CDYL2: variants seen among roughly 807,000 people sequenced by gnomAD.
The protein encoded by CDYL2 is chromodomain Y like 2, also known as chromodomain Y-like protein 2.
A neutral mutation model predicts 49.4 loss-of-function variants in CDYL2; 23 were observed. The observed-to-expected ratio is 0.47, with a 90% confidence interval of 0.34 to 0.66. The LOEUF (loss-of-function observed/expected upper bound fraction) is 0.66. Among genes scored for constraint, CDYL2 ranks in the 30% least tolerant of loss-of-function variants. The pLI is 0.01. For missense variants in CDYL2, 678 were observed against 656.4 expected, an observed-to-expected ratio of 1.03 and a Z score of -0.36; for synonymous variants, 360 against 268.8, an observed-to-expected ratio of 1.34 and a Z score of -3.32.
Position 80,633,217 on chromosome 16 carries a change from C to G in CDYL2, c.636G>C (p.Gly212=). ...ENGLGSALTN[G]GLNLHSPVKR... is the part of the protein sequence containing the mutation. ...TCACTGGACTGTGCAGGTTCAATCC[C>G]CCGTTGGTCAGAGCAGAGCCTTCCA... is the stretch of plus-strand genomic sequence containing the variant. Residue 212 remains glycine (G), a synonymous_variant, in exon 3 of 7, where the codon GGG becomes GGC. Transcript: ENST00000570137. 1 of 1,614,152 alleles carries G rather than the reference C, an allele frequency of 6.2e-7. No homozygotes were observed. Among genetic ancestry groups the G allele is most frequent in the Non-Finnish European group, 8.5e-7 (1 of 1,180,012 alleles).
At chr16:80,630,913 CATTCTATTATCCCG>C (rs68123771) in intron 3 of CDYL2, among the ~76,000 whole-genome samples, 8,456 of 152,204 alleles carry the variant, frequency 0.056, 706 homozygotes, top group African/African-American at 0.18. Context: ...AATGCTAGGT[CATTCTATTATCCCG>C]ATGTGAGTGA....
At chr16:80,702,963 T>G (rs1904310856) in intron 1 of CDYL2, among the ~76,000 whole-genome samples, 1 of 152,184 alleles carries the variant, frequency 6.6e-6, no homozygotes, top group Non-Finnish European at 1.5e-5. Flanking sequence ...TTTAAGCCAC[T>G]AAGTCCATAA....
intron 2 of CDYL2, among the ~76,000 whole-genome samples, chr16:80,664,508 G>A (rs1436470471): frequency 6.6e-6 from 1 of 152,174 alleles, no homozygotes; most frequent in African/African-American, 2.4e-5. Flanking sequence ...TAAGCTTTGA[G>A]TTCTTTGGAA....
rs1597115943 is a variant in CDYL2 at position 80,602,586 on chromosome 16, G to C, written c.*1802C>G. The C allele has an allele frequency of 6.6e-6, 1 of 152,410 alleles. No individual in the cohort carries two copies. 9.4% of individuals were successfully genotyped at this position (152,410 alleles called of 1,614,324 possible). A position where few individuals can be genotyped will look rare whatever the true frequency, so the allele number is the denominator to read the frequency against. ...CCAGTGCACCTGATTGCCAGGAAAA[G>C]ATAAAGGACCACAGAGAGTTAGAGA... On this transcript the variant is annotated 3_prime_UTR_variant, in exon 7 of 7. Transcript: ENST00000570137.
chr16:80,684,786 T>C lies in CDYL2; in HGVS notation c.368A>G (p.Lys123Arg), dbSNP rs774539541. The change falls in exon 2 of 7, where the codon AAG (lysine) becomes AGG (arginine). Residue 123 changes from lysine (K) to arginine (R), a missense_variant. Transcript: ENST00000570137. ...GGCCCTGTCACCTCCTGAAGAGGGC[T>C]TGCCTGAATACCCTTTTTTTGGCTT... ...LAKPKKGYSG[K>R]PSSGGDRATK... The C allele has an allele frequency of 6.2e-7, 1 of 1,614,232 alleles. No homozygotes were observed. The highest frequency in any genetic ancestry group is 2.2e-5 in the East Asian group (1 of 44,868).
chr16:80,764,660 C>G (rs1232007378), intron 1 of CDYL2, among the ~76,000 whole-genome samples: 1 of 152,022 alleles, frequency 6.6e-6, no homozygotes, highest in Non-Finnish European at 1.5e-5. Context: ...TCAATGGTAT[C>G]TAATATATAC....
rs950923011 is a variant in CDYL2, at chr16:80,776,912, G to C, written c.24+27238C>G. 1.2e-4 allele frequency among the ~76,000 whole-genome samples: 18 copies of C among 151,808 alleles called. 1 individual carries two copies. Among genetic ancestry groups the C allele is most frequent in the African/African-American group, 4.1e-4 (17 of 41,396 alleles). On this transcript the variant is annotated intron_variant, in intron 1 of 6. Transcript: ENST00000570137. ...GACTCACTGCAACTTCCGCCTCCCAGATTCAAGCCATTCTCCTGCCTCGGC... is the reference window on the plus strand; with the variant it reads ...GACTCACTGCAACTTCCGCCTCCCACATTCAAGCCATTCTCCTGCCTCGGC...
intron 1 of CDYL2, among the ~76,000 whole-genome samples, chr16:80,733,690 G>C (rs773079993): frequency 6.6e-6 from 1 of 152,152 alleles, no homozygotes; most frequent in Non-Finnish European, 1.5e-5. Context: ...GCTGCCCATA[G>C]GTGCTCTAAA....
At chr16:80,647,082 GA>G (rs1260853568) in intron 2 of CDYL2, among the ~76,000 whole-genome samples, 2 of 151,972 alleles carry the variant, frequency 1.3e-5, no homozygotes, top group East Asian at 3.9e-4. Context: ...ATCTGAAAAA[GA>G]AATTAAAAAG....
chr16:80,685,454 T>C (rs1278267798), intron 1 of CDYL2, among the ~76,000 whole-genome samples: 1 of 152,232 alleles, frequency 6.6e-6, no homozygotes, highest in Admixed American at 6.5e-5. Flanking sequence ...TCACAAGAGA[T>C]CTTTATTCTT....
chr16:80,762,014 C>G (rs1409399317), intron 1 of CDYL2, among the ~76,000 whole-genome samples: 2 of 151,418 alleles, frequency 1.3e-5, no homozygotes, highest in African/African-American at 4.9e-5. Context: ...GGCAAAACCC[C>G]ATCTCTACAA....
chr16:80,705,522 G>A (rs923838791), intron 1 of CDYL2, among the ~76,000 whole-genome samples: 4 of 152,246 alleles, frequency 2.6e-5, no homozygotes, highest in Admixed American at 6.5e-5. Flanking sequence ...CTGAGGGAAC[G>A]CAGGCAGGTC....
At chr16:80,794,975 C>G (rs1442234072) in intron 1 of CDYL2, among the ~76,000 whole-genome samples, 1 of 152,128 alleles carries the variant, frequency 6.6e-6, no homozygotes, top group Non-Finnish European at 1.5e-5. Context: ...TCTAGGTCCA[C>G]AGCTGACATA....
chr16:80,709,337 G>A (rs576600594), intron 1 of CDYL2, among the ~76,000 whole-genome samples: 4 of 148,118 alleles, frequency 2.7e-5, no homozygotes, highest in South Asian at 2.1e-4. Context: ...AGCCAAGATC[G>A]TGCCATTGCA....
intron 1 of CDYL2, among the ~76,000 whole-genome samples, chr16:80,734,105 G>T (rs955097981): frequency 1.3e-5 from 2 of 152,158 alleles, no homozygotes; most frequent in African/African-American, 4.8e-5. Flanking sequence ...ACTTCCTTTA[G>T]ATACTTGGAT....
At chr16:80,687,766 T>G (rs55951904) in intron 1 of CDYL2, among the ~76,000 whole-genome samples, 15 of 152,070 alleles carry the variant, frequency 9.9e-5, no homozygotes, top group African/African-American at 3.4e-4. Flanking sequence ...GAGCAAGTTA[T>G]TAAACCTCTT....
intron 1 of CDYL2, among the ~76,000 whole-genome samples, chr16:80,789,246 G>A (rs539107304): frequency 1.3e-5 from 2 of 152,226 alleles, no homozygotes; most frequent in Admixed American, 6.5e-5. Context: ...TAGAACTACT[G>A]TTCAACCCAG....
rs1907610643 is a variant in CDYL2 at position 80,791,627 on chromosome 16, T to A, written c.24+12523A>T. Among the ~76,000 whole-genome samples, 4 of 152,194 alleles carry A rather than the reference T, an allele frequency of 2.6e-5. No individual in the cohort carries two copies. The South Asian group carries it at 8.3e-4, about 32-fold the overall frequency. ...TGAGTAGGAATTAAACAAGCAAAAA[T>A]GTGACAAGGATTGGTAACGGACAGT... is the stretch of plus-strand genomic sequence containing the variant. On this transcript the variant is annotated intron_variant, in intron 1 of 6. Coordinates refer to ENST00000570137, the MANE Select transcript of CDYL2 (RefSeq NM_152342.4).
Position 80,633,194 on chromosome 16 carries a change from A to C in CDYL2, c.659T>G (p.Val220Gly). The stretch of plus-strand genomic sequence containing the variant: ...CTTCTCCGCTTCCAGCTTCCTCTTC[A>C]CTGGACTGTGCAGGTTCAATCCCCC... The part of the protein sequence containing the change: ...TNGGLNLHSP[V>G]KRKLEAEKDY... The change falls in exon 3 of 7, where the codon GTG becomes GGG. Residue 220 changes from valine to glycine, a missense_variant. Physicochemically the swap from Val to Gly is moderately radical, Grantham distance 109. Around this residue, in one of 3 missense-constraint regions of CDYL2, gnomAD observed 478 missense variants for 427.0 expected, o/e 1.12. Coordinates refer to ENST00000570137, the MANE Select transcript of CDYL2 (RefSeq NM_152342.4). The C allele has an allele frequency of 6.2e-7, 1 of 1,614,082 alleles. No homozygotes were observed. The highest frequency in any genetic ancestry group is 8.5e-7 in the Non-Finnish European group (1 of 1,180,008).
Sources: allele counts gnomAD v4.1 joint callset (sites outside exome capture counted in the v4.1 genomes callset), GRCh38; gene constraint gnomAD v4.1.1; regional missense constraint gnomAD v4.1.1; transcripts MANE v1.5; gene names NCBI Gene and HGNC (gene_info 2026-07-23, HGNC 2026-07-21).